The following IPMK variants were observed in gnomAD, a reference collection of about 807,000 sequenced individuals.
IPMK encodes the protein inositol 1,3,4,6-tetrakisphosphate 5-kinase.
A neutral mutation model predicts 45.8 loss-of-function variants in IPMK; 17 were observed. That is an observed-to-expected ratio of 0.37 (90% CI 0.25 to 0.56). The LOEUF (loss-of-function observed/expected upper bound fraction) is 0.56. Among genes scored for constraint, IPMK ranks in the 20% least tolerant of loss-of-function variants. The pLI is 0.79. For missense variants in IPMK, 399 were observed against 498.0 expected (o/e 0.80, Z 1.89); for synonymous variants, 180 against 184.3 (o/e 0.98, Z 0.19).
intron 1 of IPMK, among the ~76,000 whole-genome samples, chr10:58,256,770 G>A (rs1055259303): frequency 2.0e-5 from 3 of 152,080 alleles, no homozygotes; most frequent in Admixed American, 6.6e-5. Context: ...CAGACCAGCC[G>A]ACACTTAGGG....
rs766938208 is a variant in IPMK at position 58,196,370 on chromosome 10, C to T, written c.957G>A (p.Ala319=). The T allele has an allele frequency of 9.9e-6, 16 of 1,613,926 alleles. No homozygotes were observed. Among genetic ancestry groups the T allele is most frequent in the East Asian group, 6.7e-5 (3 of 44,876 alleles). ...TTTTTGTATATATTTTCCTGTGACG[C>T]GCATACATCTTGGACAAGCTTTTGC... ...SVGKSLSKMY[A]RHRKIYTKKH... is the part of the protein sequence containing the mutation. Residue 319 remains alanine, a synonymous_variant, in exon 6 of 6, where the codon GCG becomes GCA. Coordinates refer to ENST00000373935, the MANE Select transcript of IPMK (RefSeq NM_152230.5).
chr10:58,222,764 C>A (rs7068428), intron 3 of IPMK, among the ~76,000 whole-genome samples: 19,689 of 152,094 alleles, frequency 0.13, 1,285 homozygotes, highest in Middle Eastern at 0.18. Flanking sequence ...TATAACACTT[C>A]CTGCTGTTTT....
intron 1 of IPMK, among the ~76,000 whole-genome samples, chr10:58,246,883 G>A (rs977646303): frequency 2.2e-4 from 34 of 151,200 alleles, no homozygotes; most frequent in African/African-American, 7.8e-4. Context: ...CAAAATGGGA[G>A]AAAATTTTCG....
chr10:58,216,818 C>G (rs1838250759), intron 3 of IPMK, among the ~76,000 whole-genome samples: 1 of 152,090 alleles, frequency 6.6e-6, no homozygotes, highest in African/African-American at 2.4e-5. Context: ...AATATACATT[C>G]AAGTCTCACC....
At chr10:58,228,327 A>G (rs1021783852) in intron 2 of IPMK, among the ~76,000 whole-genome samples, 1 of 151,262 alleles carries the variant, frequency 6.6e-6, no homozygotes, top group Non-Finnish European at 1.5e-5. Flanking sequence ...TATGAAATTA[A>G]GTAAGATACA....
At chr10:58,219,768 T>C (rs768378441) in intron 3 of IPMK, among the ~76,000 whole-genome samples, 19 of 152,228 alleles carry the variant, frequency 1.2e-4, no homozygotes, top group Non-Finnish European at 7.3e-5. Context: ...ATAGTAAGAC[T>C]AAGTATTGTT....
chr10:58,239,730 ATAAACCAACAGTAAACCAACAG>A (rs1392652993), intron 1 of IPMK, among the ~76,000 whole-genome samples: 1 of 152,210 alleles, frequency 6.6e-6, no homozygotes, highest in Non-Finnish European at 1.5e-5. Context: ...CAGGATCCAA[ATAAACCAACAGTAAACCAACAG>A]TATCTGAGCC....
chr10:58,209,200 C>T (rs537990443), intron 4 of IPMK, among the ~76,000 whole-genome samples: 1 of 152,308 alleles, frequency 6.6e-6, no homozygotes, highest in South Asian at 2.1e-4. Flanking sequence ...TAGGTGCCTC[C>T]ATGCTGCATT....
At chr10:58,220,223 G>GAGAGA (rs1382140823) in intron 3 of IPMK, among the ~76,000 whole-genome samples, 1 of 152,108 alleles carries the variant, frequency 6.6e-6, no homozygotes, top group Non-Finnish European at 1.5e-5. Flanking sequence ...GAAGGCAGAG[G>GAGAGA]AGAGAAGAGG....
intron 2 of IPMK, among the ~76,000 whole-genome samples, chr10:58,228,340 T>C (rs545205636): frequency 1.5e-5 from 2 of 132,780 alleles, no homozygotes; most frequent in South Asian, 2.1e-4. Context: ...AAGATACATA[T>C]GTGTGTATCA....
chr10:58,259,672 A>AAAAAAAACAAAAC, intron 1 of IPMK, among the ~76,000 whole-genome samples: 1 of 94,608 alleles, frequency 1.1e-5, no homozygotes, highest in African/African-American at 4.9e-5. Context: ...ATCTCTACAT[A>AAAAAAAACAAAAC]AAAAAAAAAA....
At chr10:58,209,454 G>C (rs575743070) in intron 4 of IPMK, among the ~76,000 whole-genome samples, 1 of 152,294 alleles carries the variant, frequency 6.6e-6, no homozygotes, top group South Asian at 2.1e-4. Context: ...CTTTGATGTG[G>C]TGCTCTCCCT....
intron 2 of IPMK, among the ~76,000 whole-genome samples, chr10:58,233,046 C>G (rs1838549836): frequency 6.6e-6 from 1 of 152,138 alleles, no homozygotes; most frequent in Non-Finnish European, 1.5e-5. Flanking sequence ...CGATAAACAC[C>G]TCTATGCAAA....
rs1288310927 is a variant in IPMK, at chr10:58,202,106, C to G, written c.547-2785G>C. Among the ~76,000 whole-genome samples the G allele has an allele frequency of 2.0e-5, 3 of 152,058 alleles. No homozygotes were observed. The East Asian group carries it at 5.8e-4, about 29-fold the overall frequency. ...TAAAATGCAAGGTGAAGCATTTAAC[C>G]TAAAATGCAAGGTGAAGTAGTTGTA... On this transcript the variant is annotated intron_variant, in intron 4 of 5. Transcript: ENST00000373935.
At chr10:58,240,170 C>T (rs2590322) in intron 1 of IPMK, among the ~76,000 whole-genome samples, 51,432 of 151,580 alleles carry the variant, frequency 0.34, 10,954 homozygotes, top group African/African-American at 0.61. Flanking sequence ...AAGATGAATG[C>T]AAATGCTAAA....
intron 4 of IPMK, 146 bp downstream of exon 4, chr10:58,215,999 C>A: frequency 1.8e-6 from 1 of 552,094 alleles, no homozygotes; most frequent in East Asian, 3.3e-5. Context: ...AATCCTTGCC[C>A]TCACTTTTCA....
At chr10:58,217,583 G>A (rs1588957081) in intron 3 of IPMK, among the ~76,000 whole-genome samples, 1 of 150,616 alleles carries the variant, frequency 6.6e-6, no homozygotes, top group Admixed American at 6.6e-5. Context: ...AACTACTCGG[G>A]AGGCTGAGGC....
At chr10:58,246,070 A>G (rs553692026) in intron 1 of IPMK, among the ~76,000 whole-genome samples, 2 of 131,004 alleles carry the variant, frequency 1.5e-5, no homozygotes, top group Admixed American at 7.0e-5. Flanking sequence ...CAAAGAGAAT[A>G]AAATACCTAG....
At chr10:58,211,919 A>AAAAATAAAAAAAAT (rs1838170717) in intron 4 of IPMK, among the ~76,000 whole-genome samples, 1 of 148,188 alleles carries the variant, frequency 6.7e-6, no homozygotes, top group African/African-American at 2.6e-5. Context: ...AAAAAAAAAA[A>AAAAATAAAAAAAAT]AAAAAATTTG....
Sources: gnomAD v4.1 joint callset for allele counts (sites outside exome capture counted in the v4.1 genomes callset) on GRCh38, gnomAD v4.1.1 for gene constraint, MANE v1.5 for transcripts, NCBI Gene and HGNC (gene_info 2026-07-23, HGNC 2026-07-21) for gene names.